WWP2: variants seen among roughly 807,000 people sequenced by gnomAD.
The protein encoded by WWP2 is NEDD4-like E3 ubiquitin-protein ligase WWP2.
In WWP2, 57 loss-of-function variants were observed where a neutral mutation model predicts 121.0. That is an observed-to-expected ratio of 0.47 (90% CI 0.38 to 0.59). The LOEUF (loss-of-function observed/expected upper bound fraction) is 0.59. WWP2 is among the 20% of genes least tolerant of loss of function. The pLI is 0.00. For missense variants in WWP2, 962 were observed against 1,158.9 expected (o/e 0.83, Z 2.47); for synonymous variants, 449 against 441.3 (o/e 1.02, Z -0.22).
At chr16:69,850,551 G>C (rs2057189164) in intron 6 of WWP2, among the ~76,000 whole-genome samples, 1 of 152,090 alleles carries the variant, frequency 6.6e-6, no homozygotes, top group Admixed American at 6.5e-5. Context: ...GATATGCCTG[G>C]GAGATTTGGG....
At chr16:69,863,796 A>G (rs909700024) in intron 6 of WWP2, among the ~76,000 whole-genome samples, 22 of 152,190 alleles carry the variant, frequency 1.4e-4, no homozygotes, top group African/African-American at 3.1e-4. Context: ...CTCTTCTTGA[A>G]TATCTTAAAA....
chr16:69,816,549 A>G, intron 4 of WWP2, among the ~76,000 whole-genome samples: 1 of 150,888 alleles, frequency 6.6e-6, no homozygotes, highest in Middle Eastern at 3.4e-3. Flanking sequence ...AAAGTAAAAA[A>G]AGCAATACAG....
At chr16:69,786,442 CTTTTTT>C (rs957224996) in intron 1 of WWP2, among the ~76,000 whole-genome samples, 4 of 85,406 alleles carry the variant, frequency 4.7e-5, no homozygotes, top group South Asian at 3.5e-4. Context: ...CCCAGCCAAT[CTTTTTT>C]TTTTTTTTTT....
At chr16:69,938,994 T>C in intron 21 of WWP2, 33 bp from the exon 22 acceptor site, 1 of 1,572,906 alleles carries the variant, frequency 6.4e-7, no homozygotes, top group Non-Finnish European at 8.6e-7. Context: ...CCCCGTGGGT[T>C]GCCTGACTGT....
chr16:69,861,645 C>CT (rs11390043), intron 6 of WWP2, among the ~76,000 whole-genome samples: 87,872 of 135,932 alleles, frequency 0.65, 29,428 homozygotes, highest in East Asian at 0.9. Flanking sequence ...CCGCCCTCTC[C>CT]TTTTTTTTTT....
At chr16:69,825,617 G>GT (rs1182979309) in intron 4 of WWP2, among the ~76,000 whole-genome samples, 3,487 of 137,346 alleles carry the variant, frequency 0.025, 55 homozygotes, top group South Asian at 0.046. Context: ...GCAGAAGTGG[G>GT]TTTTTTTTTT....
rs1228136849 is a variant in WWP2 at position 69,798,819 on chromosome 16, A to T, written c.208A>T (p.Ile70Phe). 6.2e-7 allele frequency: 1 copy of T among 1,613,946 alleles called. No homozygotes were observed. Among genetic ancestry groups the T allele is most frequent in the Admixed American group, 1.7e-5 (1 of 59,944 alleles). Residue 70 changes from isoleucine (I) to phenylalanine (F), a missense_variant, in exon 3 of 24, where the codon ATC (isoleucine) becomes TTC (phenylalanine). Ile to Phe is a conservative substitution (Grantham distance 21, BLOSUM62 0). Around this residue, in one of 3 missense-constraint regions of WWP2, gnomAD observed 145 missense variants for 189.8 expected, o/e 0.76. Coordinates refer to ENST00000359154, the MANE Select transcript of WWP2 (RefSeq NM_001270454.2). ...GAGCTCTGAGCTTCTCTGGAATGAG[A>T]TCATCATTTTGTAAGAGAAAGCCCC... ...IGSSELLWNEIIILNVTAQSH... is the reference protein window; with the variant it reads ...IGSSELLWNEFIILNVTAQSH...
chr16:69,895,501 A>C (rs1467009255), intron 8 of WWP2, among the ~76,000 whole-genome samples: 1 of 152,242 alleles, frequency 6.6e-6, no homozygotes, highest in Non-Finnish European at 1.5e-5. Context: ...GGCCAGGCTC[A>C]TGCCTGTAAT....
chr16:69,908,054 A>G (rs541514599), intron 8 of WWP2, among the ~76,000 whole-genome samples: 4 of 152,264 alleles, frequency 2.6e-5, no homozygotes, highest in African/African-American at 9.6e-5. Context: ...CAGCCTGGGC[A>G]ACATGGTGAA....
At chr16:69,828,860 C>T (rs987302848) in intron 4 of WWP2, among the ~76,000 whole-genome samples, 1 of 152,196 alleles carries the variant, frequency 6.6e-6, no homozygotes, top group East Asian at 1.9e-4. Flanking sequence ...TGCAAACCAC[C>T]GTGTGCAGGT....
intron 8 of WWP2, among the ~76,000 whole-genome samples, chr16:69,903,176 G>A (rs545877575): frequency 2.0e-5 from 3 of 152,266 alleles, no homozygotes; most frequent in East Asian, 1.9e-4. Context: ...AGCATCAGCC[G>A]TGATCAAAGA....
At chr16:69,845,589 T>C (rs2057057828) in intron 6 of WWP2, among the ~76,000 whole-genome samples, 1 of 152,056 alleles carries the variant, frequency 6.6e-6, no homozygotes, top group Non-Finnish European at 1.5e-5. Flanking sequence ...AAGCAACCCT[T>C]TCCTCTCCTT....
At chr16:69,884,901 G>T (rs2057896145) in intron 7 of WWP2, among the ~76,000 whole-genome samples, 1 of 152,144 alleles carries the variant, frequency 6.6e-6, no homozygotes. Flanking sequence ...AGAAGGTGTG[G>T]TAGAATTAGA....
At chr16:69,862,708 C>CTTTTTT (rs546868069) in intron 6 of WWP2, among the ~76,000 whole-genome samples, 2 of 76,506 alleles carry the variant, frequency 2.6e-5, no homozygotes, top group Admixed American at 1.4e-4. Flanking sequence ...GCCATGAATT[C>CTTTTTT]TTTTTTTTTT....
chr16:69,824,420 G>T (rs967535511), intron 4 of WWP2, among the ~76,000 whole-genome samples: 1 of 152,090 alleles, frequency 6.6e-6, no homozygotes, highest in Admixed American at 6.6e-5. Context: ...TCTGACTTCA[G>T]TGCCTGGCCT....
chr16:69,938,944 C>T lies in WWP2; in HGVS notation c.2344-83C>T, dbSNP rs542884406. On this transcript the variant is annotated intron_variant, in intron 21 of 23. Transcript: ENST00000359154. ...TGTTCTCAGCCCCAAAGAGGGGCCCCGCTGAGCTAGAGAGCTCCACGTTCG... is the reference window on the plus strand; with the variant it reads ...TGTTCTCAGCCCCAAAGAGGGGCCCTGCTGAGCTAGAGAGCTCCACGTTCG... 5,501 of 1,345,832 alleles carry T rather than the reference C, an allele frequency of 4.1e-3. 16 individuals are homozygous for T. The highest frequency in any genetic ancestry group is 5.0e-3 in the Non-Finnish European group (4,811 of 962,950). The allele number at this position is 1,345,832 out of a possible 1,614,324, so 83.4% of individuals were successfully genotyped here.
intron 17 of WWP2, 135 bp downstream of exon 17, chr16:69,934,264 G>T (rs1255827904): frequency 1.7e-6 from 2 of 1,167,862 alleles, no homozygotes; most frequent in African/African-American, 1.6e-5. Flanking sequence ...CATTGGAGGA[G>T]GCCCTGGGCC....
rs117386658 is a variant in WWP2, at chr16:69,784,142, C to T, written c.-15-2854C>T. Among the ~76,000 whole-genome samples, 183 of 137,672 alleles carry T rather than the reference C, an allele frequency of 1.3e-3. 5 individuals carry two copies. The East Asian group carries it at 0.035, about 26-fold the overall frequency. The allele number at this position is 137,672 out of a possible 152,430, so 90.3% of individuals were successfully genotyped here. On this transcript the variant is annotated intron_variant, in intron 1 of 23. Transcript: ENST00000359154. ...GAGACGGAGTCTTGCTGTCATCGCCCGGGCTGGAGTGCAGTGGCATGATCT... is the reference window on the plus strand; with the variant it reads ...GAGACGGAGTCTTGCTGTCATCGCCTGGGCTGGAGTGCAGTGGCATGATCT...
intron 2 of WWP2, among the ~76,000 whole-genome samples, chr16:69,791,433 G>A (rs532403415): frequency 6.6e-6 from 1 of 152,100 alleles, no homozygotes; most frequent in Non-Finnish European, 1.5e-5. Context: ...TCACCGTATT[G>A]GTCAGGCTGG....
Sources: allele counts gnomAD v4.1 joint callset (sites outside exome capture counted in the v4.1 genomes callset), GRCh38; gene constraint gnomAD v4.1.1; regional missense constraint gnomAD v4.1.1; transcripts MANE v1.5; gene names NCBI Gene and HGNC (gene_info 2026-07-23, HGNC 2026-07-21).